PDE7B: variants seen among roughly 807,000 people sequenced by gnomAD.
The protein encoded by PDE7B is 3',5'-cyclic-AMP phosphodiesterase 7B.
Under a neutral mutation model 56.2 loss-of-function variants are expected in PDE7B, and 29 were observed. The ratio of observed to expected loss-of-function variants is 0.52; its 90% CI spans 0.38 to 0.70. The LOEUF is 0.70. Ranked by LOEUF, PDE7B falls within the 30% of genes least tolerant of loss-of-function variation. PDE7B has a pLI of 0.00. For missense variants in PDE7B, 490 were observed against 565.0 expected, an observed-to-expected ratio of 0.87 and a Z score of 1.35; for synonymous variants, 197 against 196.9, an observed-to-expected ratio of 1.00 and a Z score of 0.00.
chr6:136,067,273 G>C (rs1776957571), intron 2 of PDE7B, among the ~76,000 whole-genome samples: 1 of 152,106 alleles, frequency 6.6e-6, no homozygotes, highest in Non-Finnish European at 1.5e-5. Context: ...TCAGCTTAAA[G>C]CATCTTCAAA....
At chr6:136,034,406 A>G (rs1426485514) in intron 2 of PDE7B, 1 of 152,202 alleles carries the variant, frequency 6.6e-6, no homozygotes, top group Non-Finnish European at 1.5e-5. Context: ...CCACAAAGCA[A>G]AGTCTTTTTA....
intron 8 of PDE7B, among the ~76,000 whole-genome samples, chr6:136,157,293 GA>G (rs539555913): frequency 7.4e-4 from 112 of 152,248 alleles, no homozygotes; most frequent in Admixed American, 2.8e-3. Context: ...TCTAGAAAGT[GA>G]TCGAGGCCTG....
chr6:136,152,819 G>A (rs1179993620), intron 6 of PDE7B, among the ~76,000 whole-genome samples: 1 of 152,122 alleles, frequency 6.6e-6, no homozygotes, highest in African/African-American at 2.4e-5. Context: ...GCCACAACCA[G>A]GTTTCTATGG....
At position 135,852,018 on chromosome 6, in the gene PDE7B, AG is replaced by A; in HGVS notation, c.21+1del. The A allele has an allele frequency of 6.2e-7, 1 of 1,605,612 alleles. No homozygotes were observed. Among genetic ancestry groups the A allele is most frequent in the South Asian group, 1.1e-5 (1 of 90,930 alleles). On this transcript the variant is annotated frameshift_variant and splice_region_variant, in exon 1 of 13. Transcript: ENST00000308191. LOFTEE classifies it high-confidence loss of function. MSCLMV[E>X]RCGEILFENP... is the part of the protein sequence containing the mutation. The stretch of plus-strand genomic sequence containing the variant: ...GGTTAAATGTCTTGTTTAATGGTTG[AG>A]GTATGTACAACAAATTTAAGCGGCA...
At chr6:135,945,883 A>T (rs1774588676) in intron 1 of PDE7B, among the ~76,000 whole-genome samples, 1 of 152,164 alleles carries the variant, frequency 6.6e-6, no homozygotes, top group African/African-American at 2.4e-5. Context: ...TTTTATATTC[A>T]GAGTTGTGAA....
At chr6:136,084,758 C>T (rs1399345387) in intron 2 of PDE7B, among the ~76,000 whole-genome samples, 4 of 152,154 alleles carry the variant, frequency 2.6e-5, no homozygotes, top group Non-Finnish European at 1.5e-5. Context: ...TATCTTAGAT[C>T]AAGGCATCTA....
chr6:136,057,815 C>T (rs540378777), intron 2 of PDE7B, among the ~76,000 whole-genome samples: 5 of 152,102 alleles, frequency 3.3e-5, no homozygotes, highest in Non-Finnish European at 7.4e-5. Flanking sequence ...CAGCTCACGG[C>T]GACCTCCACC....
At chr6:136,039,459 A>C (rs1776380250) in intron 2 of PDE7B, among the ~76,000 whole-genome samples, 1 of 152,220 alleles carries the variant, frequency 6.6e-6, no homozygotes, top group Non-Finnish European at 1.5e-5. Context: ...GGGATGGGGT[A>C]GATGGAAAAG....
chr6:135,925,787 T>C (rs1774173205), intron 1 of PDE7B, among the ~76,000 whole-genome samples: 1 of 152,148 alleles, frequency 6.6e-6, no homozygotes, highest in Non-Finnish European at 1.5e-5. Flanking sequence ...TCAAAAATAG[T>C]GTTTCTGAAA....
intron 2 of PDE7B, among the ~76,000 whole-genome samples, chr6:136,093,040 T>G (rs1451308640): frequency 6.6e-6 from 1 of 152,208 alleles, no homozygotes; most frequent in African/African-American, 2.4e-5. Context: ...CATCAAAACA[T>G]CATGTCGTAT....
intron 3 of PDE7B, among the ~76,000 whole-genome samples, chr6:136,137,396 G>A (rs1180495704): frequency 1.3e-5 from 2 of 152,088 alleles, no homozygotes; most frequent in African/African-American, 2.4e-5. Context: ...ATTATTAAGA[G>A]GTTCAGTTGG....
intron 8 of PDE7B, among the ~76,000 whole-genome samples, chr6:136,164,958 T>TA (rs1442282587): frequency 6.6e-6 from 1 of 152,220 alleles, no homozygotes; most frequent in African/African-American, 2.4e-5. Flanking sequence ...TAAGTTTATA[T>TA]TAAACTACCA....
intron 2 of PDE7B, among the ~76,000 whole-genome samples, chr6:136,076,871 G>A (rs1218347498): frequency 1.3e-5 from 2 of 152,100 alleles, no homozygotes; most frequent in African/African-American, 4.8e-5. Context: ...AGCACCTAAA[G>A]CCTTTCTCCA....
intron 2 of PDE7B, among the ~76,000 whole-genome samples, chr6:136,089,090 C>A (rs1254186612): frequency 1.3e-5 from 2 of 152,130 alleles, no homozygotes; most frequent in Non-Finnish European, 2.9e-5. Context: ...TTCAGTACCT[C>A]ATTTTCTATT....
intron 2 of PDE7B, among the ~76,000 whole-genome samples, chr6:136,084,145 C>T (rs780627678): frequency 6.6e-6 from 1 of 152,044 alleles, no homozygotes; most frequent in Non-Finnish European, 1.5e-5. Context: ...ATCCCTAACT[C>T]TCCAAATTAT....
At position 136,147,417 on chromosome 6, in the gene PDE7B, A is replaced by G. The variant is rs1424872514; in HGVS notation, c.233A>G (p.Tyr78Cys). ...AAAAGACTATTAAGCTTTCAAAGAT[A>G]CTTCCATGCATCAAGGCTGCTTCGT... ...KVKRLLSFQR[Y>C]FHASRLLRGI... The change falls in exon 4 of 13, where the codon TAC becomes TGC. Residue 78 changes from tyrosine to cysteine, a missense_variant. Physicochemically the swap from Tyr to Cys is radical, Grantham distance 194. Transcript: ENST00000308191. 1 of 1,612,756 alleles carries G rather than the reference A, an allele frequency of 6.2e-7. No individual in the cohort carries two copies. The highest frequency in any genetic ancestry group is 8.5e-7 in the Non-Finnish European group (1 of 1,178,876).
intron 9 of PDE7B, among the ~76,000 whole-genome samples, chr6:136,177,114 AG>A (rs1056518244): frequency 1.6e-4 from 25 of 151,898 alleles, no homozygotes; most frequent in African/African-American, 5.8e-4. Context: ...TTTCTTAAAG[AG>A]GAAAAAAAAA....
At position 136,151,897 on chromosome 6, in the gene PDE7B, G is replaced by A. The variant is rs143525144; in HGVS notation, c.478+642G>A. Among the ~76,000 whole-genome samples the A allele has an allele frequency of 2.2e-4, 34 of 152,106 alleles. 2 individuals carry two copies. Among genetic ancestry groups the A allele is most frequent in the African/African-American group, 7.5e-4 (31 of 41,480 alleles). On this transcript the variant is annotated intron_variant, in intron 6 of 12. Transcript: ENST00000308191. ...GGAGGTTGCAGTGAGCCGAGATTGC[G>A]CCACTGCACTCCAGCCTGGGCGACA...
chr6:136,141,343 T>C (rs1452704961), intron 3 of PDE7B, among the ~76,000 whole-genome samples: 1 of 152,196 alleles, frequency 6.6e-6, no homozygotes, highest in African/African-American at 2.4e-5. Context: ...ATAAGCTTTT[T>C]GATGTGCTGC....
Sources: allele counts gnomAD v4.1 joint callset (sites outside exome capture counted in the v4.1 genomes callset), GRCh38; gene constraint gnomAD v4.1.1; transcripts MANE v1.5; gene names NCBI Gene and HGNC (gene_info 2026-07-23, HGNC 2026-07-21).